The following GK5 variants were observed in gnomAD, a reference collection of about 807,000 sequenced individuals.
GK5 encodes ATP:glycerol 3-phosphotransferase 5.
In GK5, 39 loss-of-function variants were observed where a neutral mutation model predicts 77.3. That is an observed-to-expected ratio of 0.50 (90% confidence interval 0.39 to 0.66). The LOEUF is 0.66. Among genes scored for constraint, GK5 ranks in the 30% least tolerant of loss-of-function variants. The pLI is 0.00. For synonymous variants in GK5, 211 were observed against 208.0 expected (o/e 1.01, Z -0.13); for missense variants, 487 against 633.8 (o/e 0.77, Z 2.49).
At chr3:142,213,001 AT>A in intron 3 of GK5, among the ~76,000 whole-genome samples, 1 of 151,150 alleles carries the variant, frequency 6.6e-6, no homozygotes, top group Admixed American at 6.6e-5. Context: ...CGCCCGGCTA[AT>A]TTTTTGTATT....
intron 4 of GK5, among the ~76,000 whole-genome samples, chr3:142,199,792 C>A (rs2107788320): frequency 6.6e-6 from 1 of 151,108 alleles, no homozygotes; most frequent in South Asian, 2.1e-4. Flanking sequence ...CCCTATCCTG[C>A]CACACACTAC....
In GK5 at chr3:142,225,580, A is replaced by C. The variant is rs1429387013; in HGVS notation, c.-125T>G. 3.3e-6 allele frequency: 4 copies of C among 1,220,518 alleles called. No individual in the cohort carries two copies. Among genetic ancestry groups the C allele is most frequent in the Non-Finnish European group, 4.3e-6 (4 of 925,128 alleles). 75.6% of individuals were successfully genotyped at this position (1,220,518 alleles called of 1,614,324 possible). ...CCCGGCTCAGCCGGAGAGCCTAGAG[A>C]GGCCTGGCCCCTGCCGCCGGCTCCA... On this transcript the variant is annotated 5_prime_UTR_variant, in exon 1 of 16. Coordinates refer to ENST00000392993, the MANE Select transcript of GK5 (RefSeq NM_001039547.3).
At chr3:142,183,242 T>G in intron 9 of GK5, 193 bp from the exon 10 acceptor site, 1 of 440,268 alleles carries the variant, frequency 2.3e-6, no homozygotes, top group East Asian at 3.5e-5. Context: ...CTAGGACTAA[T>G]ACTCTGCAGA....
At position 142,204,700 on chromosome 3, in the gene GK5, TAAG is replaced by T. The variant is rs1365829800; in HGVS notation, c.403_405del (p.Leu135del). The T allele has an allele frequency of 6.7e-7, 1 of 1,502,544 alleles. No homozygotes were observed. The highest frequency in any genetic ancestry group is 1.4e-5 in the African/African-American group (1 of 72,394). The allele number at this position is 1,502,544 out of a possible 1,614,324, so 93.1% of individuals were successfully genotyped here. A position where few individuals can be genotyped will look rare whatever the true frequency, so the allele number is the denominator to read the frequency against. On this transcript the variant is annotated inframe_deletion, in exon 4 of 16. Transcript: ENST00000392993. ...TCACACAAGAAAAAGATTACCTTCATAAGAAGAGAATTATTCCAAGATTTTACA... is the reference window on the plus strand; with the variant it reads ...TCACACAAGAAAAAGATTACCTTCATAAGAGAATTATTCCAAGATTTTACA...
Position 142,187,570 on chromosome 3 carries a change from A to G in GK5, c.619+134T>C, listed in dbSNP as rs973056172. ...CAGTGAGCCATGATTACACCATTGC[A>G]CTCCCGCCTGGTTGACAGAGCGAGA... On this transcript the variant is annotated intron_variant, in intron 6 of 15. Coordinates refer to ENST00000392993, the MANE Select transcript of GK5 (RefSeq NM_001039547.3). 9.2e-6 allele frequency: 6 copies of G among 654,464 alleles called. No individual in the cohort carries two copies. In the African/African-American group the frequency reaches 1.1e-4, roughly 12 times the overall value. 40.5% of individuals were successfully genotyped at this position (654,464 alleles called of 1,614,324 possible). A position where few individuals can be genotyped will look rare whatever the true frequency, so the allele number is the denominator to read the frequency against.
chr3:142,166,060 C>A (rs1019844375), intron 15 of GK5, among the ~76,000 whole-genome samples: 8 of 152,158 alleles, frequency 5.3e-5, no homozygotes, highest in Non-Finnish European at 1.0e-4. Context: ...TCATAACTTG[C>A]TATTATTAAA....
At position 142,171,478 on chromosome 3, in the gene GK5, T is replaced by G; in HGVS notation, c.1248A>C (p.Arg416Ser). The G allele has an allele frequency of 7.0e-7, 1 of 1,433,986 alleles. No individual in the cohort carries two copies. The highest frequency in any genetic ancestry group is 9.4e-7 in the Non-Finnish European group (1 of 1,067,158). 88.8% of individuals were successfully genotyped at this position (1,433,986 alleles called of 1,614,324 possible). Residue 416 changes from arginine to serine, a missense_variant and splice_region_variant, in exon 14 of 16, where the codon AGA becomes AGC. Arg to Ser is a moderately radical substitution (Grantham distance 110, BLOSUM62 -1). Coordinates refer to ENST00000392993, the MANE Select transcript of GK5 (RefSeq NM_001039547.3). ...VRAILESIAF[R>S]NKQLYEMMKK... ...TCATCATCTCATATAACTGTTTGTT[T>G]CTAGTTAAAAAACAAGATAACTATT...
intron 1 of GK5, among the ~76,000 whole-genome samples, chr3:142,224,999 C>G (rs569655619): frequency 9.2e-5 from 14 of 152,324 alleles, no homozygotes; most frequent in African/African-American, 3.4e-4. Context: ...TCACCTCAGT[C>G]CCATCCAGGT....
At chr3:142,204,571 T>C (rs1430004734) in intron 4 of GK5, 124 bp downstream of exon 4, 4 of 740,370 alleles carry the variant, frequency 5.4e-6, no homozygotes, top group Non-Finnish European at 1.0e-5. Flanking sequence ...TTCACTGGAA[T>C]GGGGAGTGTG....
chr3:142,215,060 T>C (rs919973337), intron 2 of GK5, among the ~76,000 whole-genome samples: 3 of 152,214 alleles, frequency 2.0e-5, no homozygotes, highest in Non-Finnish European at 4.4e-5. Context: ...CAAGTAATCT[T>C]TGCCATGTTC....
At chr3:142,167,305 C>T (rs1425207827) in intron 15 of GK5, among the ~76,000 whole-genome samples, 3 of 151,518 alleles carry the variant, frequency 2.0e-5, no homozygotes, top group South Asian at 4.2e-4. Flanking sequence ...GCCCAGGAGG[C>T]GGAGGTTGCA....
At chr3:142,195,328 A>C (rs2063918422) in intron 5 of GK5, among the ~76,000 whole-genome samples, 1 of 151,574 alleles carries the variant, frequency 6.6e-6, no homozygotes, top group Admixed American at 6.6e-5. Context: ...TATTTTGTTG[A>C]AGTTTTGTGT....
Position 142,213,548 on chromosome 3 carries a change from C to T in GK5, c.295G>A (p.Ala99Thr), listed in dbSNP as rs1408200665. The T allele has an allele frequency of 2.5e-6, 4 of 1,610,166 alleles. No homozygotes were observed. Residue 99 changes from alanine to threonine, a missense_variant, in exon 3 of 16, where the codon GCA (alanine) becomes ACA (threonine). Around this residue, in one of 4 missense-constraint regions of GK5, gnomAD observed 323 missense variants for 437.4 expected, o/e 0.74. Transcript: ENST00000392993. Reference sequence around the variant, plus strand: ...TACTTGTTCCACGTAATAAAAGTTGCTCTCTGTGTTGAAATGCCAAGACCA... The same window carrying T: ...TACTTGTTCCACGTAATAAAAGTTGTTCTCTGTGTTGAAATGCCAAGACCA... ...IVGLGISTQR[A>T]TFITWNKKTG... is the part of the protein sequence containing the mutation.
At chr3:142,168,463 A>G (rs1399343306) in intron 15 of GK5, among the ~76,000 whole-genome samples, 1 of 152,228 alleles carries the variant, frequency 6.6e-6, no homozygotes, top group Non-Finnish European at 1.5e-5. Context: ...ATCAAGTTTA[A>G]GCCGAATTTA....
chr3:142,202,658 A>G (rs1227197561), intron 4 of GK5, among the ~76,000 whole-genome samples: 1 of 152,208 alleles, frequency 6.6e-6, no homozygotes. Flanking sequence ...GTTCTGCATT[A>G]TGATTGGAAA....
chr3:142,213,008 G>A (rs1031758043), intron 3 of GK5, among the ~76,000 whole-genome samples: 2 of 151,384 alleles, frequency 1.3e-5, no homozygotes, highest in African/African-American at 4.9e-5. Flanking sequence ...CTAATTTTTT[G>A]TATTTTTAGT....
Position 142,158,869 on chromosome 3 carries a change from T to G in GK5, c.*6753A>C, listed in dbSNP as rs760628122. On this transcript the variant is annotated 3_prime_UTR_variant, in exon 16 of 16. Coordinates refer to ENST00000392993, the MANE Select transcript of GK5 (RefSeq NM_001039547.3). The stretch of plus-strand genomic sequence containing the variant: ...AAAGGTATCTTTGAAAATTTACTAT[T>G]ATACAGTATTAGTACCATACTCTAT... 1.3e-5 allele frequency: 2 copies of G among 152,192 alleles called. No individual in the cohort carries two copies. Among genetic ancestry groups the G allele is most frequent in the Non-Finnish European group, 2.9e-5 (2 of 68,030 alleles). The allele number at this position is 152,192 out of a possible 1,614,324, so 9.4% of individuals were successfully genotyped here.
At chr3:142,222,479 A>G (rs931719932) in intron 1 of GK5, among the ~76,000 whole-genome samples, 3 of 152,060 alleles carry the variant, frequency 2.0e-5, no homozygotes, top group Non-Finnish European at 4.4e-5. Flanking sequence ...GCAGGAGAAT[A>G]GCATGAAGCC....
chr3:142,162,509 T>A lies in GK5; in HGVS notation c.*3113A>T, dbSNP rs6769556. 6.6e-6 allele frequency: 1 copy of A among 152,012 alleles called. No individual in the cohort carries two copies. Among genetic ancestry groups the A allele is most frequent in the Admixed American group, 6.5e-5 (1 of 15,268 alleles). The allele number at this position is 152,012 out of a possible 1,614,324, so 9.4% of individuals were successfully genotyped here. A position where few individuals can be genotyped will look rare whatever the true frequency, so the allele number is the denominator to read the frequency against. On this transcript the variant is annotated 3_prime_UTR_variant, in exon 16 of 16. Coordinates refer to ENST00000392993, the MANE Select transcript of GK5 (RefSeq NM_001039547.3). ...GATAAAAAAGATGAAAAAATCAGTATGTCTATAGTATAAAAGCAATTAGTA... is the reference window on the plus strand; with the variant it reads ...GATAAAAAAGATGAAAAAATCAGTAAGTCTATAGTATAAAAGCAATTAGTA...
Sources: gnomAD v4.1 joint callset for allele counts (sites outside exome capture counted in the v4.1 genomes callset) on GRCh38, gnomAD v4.1.1 for gene constraint, gnomAD v4.1.1 regional missense constraint, MANE v1.5 for transcripts, NCBI Gene and HGNC (gene_info 2026-07-23, HGNC 2026-07-21) for gene names.